The following ANKRD30B variants were observed in gnomAD, a reference collection of about 807,000 sequenced individuals.
ANKRD30B encodes the protein ankyrin repeat domain 30B, also known as ankyrin repeat domain-containing protein 30B.
A neutral mutation model predicts 202.2 loss-of-function variants in ANKRD30B; 144 were observed. The ratio of observed to expected loss-of-function variants is 0.71; its 90% CI spans 0.62 to 0.82. The LOEUF (loss-of-function observed/expected upper bound fraction) is 0.82, where lower values mean the gene tolerates loss of function less well. Ranked by LOEUF, ANKRD30B falls within the 40% of genes least tolerant of loss-of-function variation. The probability of loss-of-function intolerance (pLI) is 0.00; values close to 1 mark genes in which losing one functional copy is unlikely to be tolerated. For synonymous variants in ANKRD30B, 508 were observed against 561.3 expected, an observed-to-expected ratio of 0.91 and a Z score of 1.34; for missense variants, 1,487 against 1,669.1, an observed-to-expected ratio of 0.89 and a Z score of 1.90.
chr18:14,916,608 G>A, the ANKRD30B span, among the ~76,000 whole-genome samples: 3 of 152,268 alleles, frequency 2.0e-5, no homozygotes, highest in South Asian at 6.2e-4. Context: ...TATGTGTGTG[G>A]TGGGTGGGGG....
chr18:14,769,200 C>G, intron 7 of ANKRD30B, 143 bp from the exon 8 acceptor site: 1 of 554,082 alleles, frequency 1.8e-6, no homozygotes, highest in Non-Finnish European at 3.2e-6. Flanking sequence ...GACTCCTGGG[C>G]TCCTCAGGCG....
chr18:14,934,661 C>T, the ANKRD30B span, among the ~76,000 whole-genome samples: 12 of 152,160 alleles, frequency 7.9e-5, no homozygotes, highest in Middle Eastern at 3.4e-3. Context: ...GCATCTGGGG[C>T]TGGGTCAGGG....
chr18:14,763,918 A>G lies in ANKRD30B; in HGVS notation c.1053A>G (p.Ser351=). The G allele has an allele frequency of 1.2e-6, 2 of 1,611,038 alleles. No individual in the cohort carries two copies. Among genetic ancestry groups the G allele is most frequent in the Non-Finnish European group, 1.7e-6 (2 of 1,178,440 alleles). ...CAAAAGAAACATCTGAGAAATTTTCATGGCCAGCAAAAGAAAGATCTAGGA... is the reference window on the plus strand; with the variant it reads ...CAAAAGAAACATCTGAGAAATTTTCGTGGCCAGCAAAAGAAAGATCTAGGA... The part of the protein sequence containing the change: ...RPTKETSEKF[S]WPAKERSRKI... The change falls in exon 7 of 44, where the codon TCA becomes TCG. Residue 351 remains serine (S), a synonymous_variant. Transcript: ENST00000690538.
At chr18:14,784,237 G>T in intron 12 of ANKRD30B, 99 bp from the exon 13 acceptor site, 10 of 1,244,018 alleles carry the variant, frequency 8.0e-6, no homozygotes, top group Non-Finnish European at 1.1e-5. Context: ...CATTCTCAAA[G>T]TCAACCAAGA....
At chr18:14,901,053 T>C in the ANKRD30B span, among the ~76,000 whole-genome samples, 2 of 152,196 alleles carry the variant, frequency 1.3e-5, no homozygotes, top group African/African-American at 2.4e-5. Flanking sequence ...CAGGAGCCTA[T>C]TTTTTCAGTT....
intron 32 of ANKRD30B, among the ~76,000 whole-genome samples, chr18:14,827,282 G>A (rs1272436693): frequency 6.6e-6 from 1 of 152,126 alleles, no homozygotes; most frequent in Non-Finnish European, 1.5e-5. Flanking sequence ...ATATTTCATT[G>A]TACTCCTTAG....
At chr18:14,907,212 A>C in the ANKRD30B span, among the ~76,000 whole-genome samples, 3 of 152,086 alleles carry the variant, frequency 2.0e-5, no homozygotes, top group Non-Finnish European at 2.9e-5. Context: ...CCAGTTTCTC[A>C]TGTTAAATTT....
At chr18:14,921,991 C>G in the ANKRD30B span, among the ~76,000 whole-genome samples, 1 of 152,180 alleles carries the variant, frequency 6.6e-6, no homozygotes, top group African/African-American at 2.4e-5. Flanking sequence ...AAAAATCCTT[C>G]ATTAGAACCA....
chr18:14,756,268 A>C (rs1018757036), intron 4 of ANKRD30B, among the ~76,000 whole-genome samples: 10 of 151,822 alleles, frequency 6.6e-5, no homozygotes, highest in African/African-American at 2.2e-4. Flanking sequence ...TTTTTCTTGT[A>C]AATTTGTTTG....
At chr18:14,914,002 T>C in the ANKRD30B span, among the ~76,000 whole-genome samples, 2 of 152,190 alleles carry the variant, frequency 1.3e-5, no homozygotes, top group African/African-American at 2.4e-5. Flanking sequence ...AACGGGGTAA[T>C]TTGTCCAAAG....
intron 22 of ANKRD30B, among the ~76,000 whole-genome samples, chr18:14,799,526 C>T (rs1472703911): frequency 6.6e-6 from 1 of 151,920 alleles, no homozygotes; most frequent in African/African-American, 2.4e-5. Flanking sequence ...CTTTAATATC[C>T]CGATAGTATA....
intron 9 of ANKRD30B, among the ~76,000 whole-genome samples, chr18:14,774,736 T>C (rs1210374326): frequency 1.3e-5 from 2 of 152,046 alleles, no homozygotes; most frequent in Non-Finnish European, 2.9e-5. Context: ...TTGCAAAATA[T>C]AACATGTAAT....
chr18:14,867,847 T>G, the ANKRD30B span, among the ~76,000 whole-genome samples: 1 of 152,194 alleles, frequency 6.6e-6, no homozygotes, highest in Non-Finnish European at 1.5e-5. Flanking sequence ...AGCCACCCAG[T>G]GGCCAGCATG....
chr18:14,748,387 G>T lies in ANKRD30B; in HGVS notation c.-33G>T. ...AGGGGCTGGGGAAGGGCGAGCGGGA[G>T]GCGCGGGCTCTCTCTAGCAGGGGGC... is the stretch of plus-strand genomic sequence containing the variant. On this transcript the variant is annotated 5_prime_UTR_variant, in exon 1 of 44. It adds an upstream start codon to the 5' untranslated region. Transcript: ENST00000690538. 7.1e-7 allele frequency: 1 copy of T among 1,414,632 alleles called. No homozygotes were observed. The highest frequency in any genetic ancestry group is 1.6e-5 in the South Asian group (1 of 64,396). The allele number at this position is 1,414,632 out of a possible 1,614,324, so 87.6% of individuals were successfully genotyped here.
rs779160992 is a variant in ANKRD30B, at chr18:14,763,774, T to A, written c.909T>A (p.Pro303=). ...DTAESLLEKT[P]DEAARLVEGT... is the part of the protein sequence containing the mutation. ...CTGAAAGCTTGCTGGAAAAAACACCTGACGAGGCTGCACGCTTGGTGGAGG... is the reference window on the plus strand; with the variant it reads ...CTGAAAGCTTGCTGGAAAAAACACCAGACGAGGCTGCACGCTTGGTGGAGG... The change falls in exon 7 of 44, where the codon CCT becomes CCA. Residue 303 remains proline (P), a synonymous_variant. Coordinates refer to ENST00000690538, the MANE Select transcript of ANKRD30B (RefSeq NM_001367607.2). 1 of 1,614,026 alleles carries A rather than the reference T, an allele frequency of 6.2e-7. No homozygotes were observed. The highest frequency in any genetic ancestry group is 8.5e-7 in the Non-Finnish European group (1 of 1,179,980).
the ANKRD30B span, among the ~76,000 whole-genome samples, chr18:14,875,378 C>T: frequency 6.6e-6 from 1 of 152,178 alleles, no homozygotes; most frequent in Non-Finnish European, 1.5e-5. Context: ...TGCCCCTGCC[C>T]AGGACCACAC....
intron 20 of ANKRD30B, among the ~76,000 whole-genome samples, chr18:14,798,196 C>T (rs1196857532): frequency 7.4e-6 from 1 of 135,844 alleles, no homozygotes; most frequent in Non-Finnish European, 1.5e-5. Flanking sequence ...CTTGTCGTCC[C>T]GTGGTGCCAA....
the ANKRD30B span, among the ~76,000 whole-genome samples, chr18:14,927,960 G>A: frequency 5.9e-5 from 9 of 152,128 alleles, no homozygotes; most frequent in East Asian, 1.9e-4. Context: ...AAACAAGACC[G>A]TGTGTGATGG....
chr18:14,887,818 A>G, the ANKRD30B span, among the ~76,000 whole-genome samples: 1 of 151,960 alleles, frequency 6.6e-6, no homozygotes, highest in Non-Finnish European at 1.5e-5. Flanking sequence ...ACCGTAGGAA[A>G]AAAGCATGAT....
Sources: gnomAD v4.1 joint callset for allele counts (sites outside exome capture counted in the v4.1 genomes callset) on GRCh38, gnomAD v4.1.1 for gene constraint, MANE v1.5 for transcripts, NCBI Gene and HGNC (gene_info 2026-07-23, HGNC 2026-07-21) for gene names.